The following SLC6A2 variants were observed in gnomAD, a reference collection of about 807,000 sequenced individuals.
SLC6A2 encodes the protein solute carrier family 6 member 2.
Under a neutral mutation model 71.7 loss-of-function variants are expected in SLC6A2, and 26 were observed. The ratio of observed to expected loss-of-function variants is 0.36; its 90% CI spans 0.27 to 0.50. The LOEUF (loss-of-function observed/expected upper bound fraction) is 0.50, where lower values mean the gene tolerates loss of function less well. Ranked by LOEUF, SLC6A2 falls within the 20% of genes least tolerant of loss-of-function variation. The probability of loss-of-function intolerance (pLI) is 0.96; values close to 1 mark genes in which losing one functional copy is unlikely to be tolerated. For missense variants in SLC6A2, 581 were observed against 803.9 expected (o/e 0.72, Z 3.35); for synonymous variants, 363 against 337.9 (o/e 1.07, Z -0.82).
At chr16:55,657,574 G>A (rs1964493787) in intron 2 of SLC6A2, among the ~76,000 whole-genome samples, 1 of 152,182 alleles carries the variant, frequency 6.6e-6, no homozygotes, top group African/African-American at 2.4e-5. Context: ...CCATTCTCAG[G>A]GAGCACAGCC....
Position 55,656,101 on chromosome 16 carries a change from C to T in SLC6A2, c.-120C>T, listed in dbSNP as rs980996564. ...CCAGCCCCAGCCCGCGCCCTAGAGCCTGCCAAGGCGCCGCCGGTCGGGGGC... is the reference window on the plus strand; with the variant it reads ...CCAGCCCCAGCCCGCGCCCTAGAGCTTGCCAAGGCGCCGCCGGTCGGGGGC... On this transcript the variant is annotated 5_prime_UTR_variant, in exon 1 of 15. Transcript: ENST00000568943. This position sits in a 1 kb window ranked among gnomAD's most constrained non-coding sequence, Gnocchi z 4.5. 11 of 154,040 alleles carry T rather than the reference C, an allele frequency of 7.1e-5. No homozygotes were observed. The highest frequency in any genetic ancestry group is 2.4e-4 in the African/African-American group (10 of 41,478). The allele number at this position is 154,040 out of a possible 1,614,324, so 9.5% of individuals were successfully genotyped here. A position where few individuals can be genotyped will look rare whatever the true frequency, so the allele number is the denominator to read the frequency against.
In SLC6A2 at chr16:55,696,225, G is replaced by A; in HGVS notation, c.1148G>A (p.Gly383Glu). 2 of 1,583,664 alleles carry A rather than the reference G, an allele frequency of 1.3e-6. No homozygotes were observed. Among genetic ancestry groups the A allele is most frequent in the Non-Finnish European group, 8.7e-7 (1 of 1,152,308 alleles). Residue 383 changes from glycine to glutamate, a missense_variant and splice_region_variant, in exon 9 of 15, where the codon GGA (glycine) becomes GAA (glutamate). Transcript: ENST00000568943. ...KVNIEDVATEGAGLVFILYPE... is the reference protein window; with the variant it reads ...KVNIEDVATEEAGLVFILYPE... ...ATGAGGTCCTTGATGTTTCTTACAG[G>A]AGCTGGCCTAGTGTTCATCCTGTAT...
chr16:55,683,209 T>C (rs1168316026), intron 4 of SLC6A2, among the ~76,000 whole-genome samples: 4 of 152,224 alleles, frequency 2.6e-5, no homozygotes, highest in African/African-American at 9.7e-5. Context: ...TAGATTCTCA[T>C]TAGCAAACGG....
rs1416088703 is a variant in SLC6A2, at chr16:55,702,760, A to C, written c.*414A>C. ...AGATACCCCTCCCAAAAAAAAAAAAAACTAAAACTAAAGCAAAAATCAAAC... is the reference window on the plus strand; with the variant it reads ...AGATACCCCTCCCAAAAAAAAAAAACACTAAAACTAAAGCAAAAATCAAAC... On this transcript the variant is annotated 3_prime_UTR_variant, in exon 15 of 15. Coordinates refer to ENST00000568943, the MANE Select transcript of SLC6A2 (RefSeq NM_001172501.3). The C allele has an allele frequency of 9.6e-7, 1 of 1,041,556 alleles. No homozygotes were observed. The highest frequency in any genetic ancestry group is 1.2e-6 in the Non-Finnish European group (1 of 866,448). 64.5% of individuals were successfully genotyped at this position (1,041,556 alleles called of 1,614,324 possible). A position where few individuals can be genotyped will look rare whatever the true frequency, so the allele number is the denominator to read the frequency against.
At chr16:55,695,181 G>C in intron 7 of SLC6A2, 97 bp from the exon 8 acceptor site, 1 of 1,474,460 alleles carries the variant, frequency 6.8e-7, no homozygotes. Flanking sequence ...GGCCTTTGAG[G>C]CTGGGGCCAG....
intron 14 of SLC6A2, 48 bp downstream of exon 14, chr16:55,701,982 T>C: frequency 6.9e-7 from 1 of 1,444,742 alleles, no homozygotes; most frequent in Non-Finnish European, 9.8e-7. Context: ...GGGCGGGCCC[T>C]GGCTGTTCCC....
chr16:55,673,048 T>G (rs1405841940), intron 4 of SLC6A2, among the ~76,000 whole-genome samples: 2 of 152,222 alleles, frequency 1.3e-5, no homozygotes, highest in African/African-American at 4.8e-5. Context: ...TCACCAATTT[T>G]CCCACTCATG....
intron 5 of SLC6A2, among the ~76,000 whole-genome samples, chr16:55,690,467 C>T (rs1308606449): frequency 6.6e-6 from 1 of 152,102 alleles, no homozygotes; most frequent in Non-Finnish European, 1.5e-5. Flanking sequence ...TCCACTTTCC[C>T]CTTAGGGATA....
rs1964440553 is a variant in SLC6A2, at chr16:55,656,144, C to T, written c.-77C>T. Reference sequence around the variant, plus strand: ...TCGGGGGCCGGCAGGGCGCAAGGCACCAGGGATCCCCTCGCCGCCGGACAC... The same window carrying T: ...TCGGGGGCCGGCAGGGCGCAAGGCATCAGGGATCCCCTCGCCGCCGGACAC... On this transcript the variant is annotated 5_prime_UTR_variant, in exon 1 of 15. Coordinates refer to ENST00000568943, the MANE Select transcript of SLC6A2 (RefSeq NM_001172501.3). This position sits in a 1 kb window ranked among gnomAD's most constrained non-coding sequence, Gnocchi z 4.5. The T allele has an allele frequency of 1.3e-5, 2 of 157,438 alleles. No homozygotes were observed. Among genetic ancestry groups the T allele is most frequent in the African/African-American group, 4.8e-5 (2 of 41,498 alleles). 9.8% of individuals were successfully genotyped at this position (157,438 alleles called of 1,614,324 possible). A position where few individuals can be genotyped will look rare whatever the true frequency, so the allele number is the denominator to read the frequency against.
rs554098561 is a variant in SLC6A2, at chr16:55,703,007, A to G, written c.*661A>G. The stretch of plus-strand genomic sequence containing the variant: ...GAGTTTGATGTGTGTGTTCTGGAAC[A>G]TTCCTCCAGCTTTTGGTGGTCAGAT... On this transcript the variant is annotated 3_prime_UTR_variant, in exon 15 of 15. Coordinates refer to ENST00000568943, the MANE Select transcript of SLC6A2 (RefSeq NM_001172501.3). 6 of 986,820 alleles carry G rather than the reference A, an allele frequency of 6.1e-6. No individual in the cohort carries two copies. In the East Asian group the frequency reaches 6.8e-4, roughly 112 times the overall value. 61.1% of individuals were successfully genotyped at this position (986,820 alleles called of 1,614,324 possible).
chr16:55,697,418 T>C (rs1216879147), intron 9 of SLC6A2, among the ~76,000 whole-genome samples: 1 of 152,056 alleles, frequency 6.6e-6, no homozygotes, highest in Non-Finnish European at 1.5e-5. Context: ...GAGTCTGGAG[T>C]TTGAAGTGAC....
intron 4 of SLC6A2, among the ~76,000 whole-genome samples, chr16:55,682,170 G>A (rs565528815): frequency 6.6e-6 from 1 of 152,344 alleles, no homozygotes; most frequent in Non-Finnish European, 1.5e-5. Context: ...GCCTCCCAAA[G>A]TGCTGGAATT....
intron 2 of SLC6A2, among the ~76,000 whole-genome samples, chr16:55,663,091 A>G (rs978664157): frequency 6.6e-6 from 1 of 152,204 alleles, no homozygotes; most frequent in South Asian, 2.1e-4. Context: ...CCCACTGTCT[A>G]TAAATCAGGG....
chr16:55,693,273 G>A (rs547129223), intron 6 of SLC6A2, among the ~76,000 whole-genome samples: 56 of 152,200 alleles, frequency 3.7e-4, no homozygotes, highest in Middle Eastern at 3.4e-3. Flanking sequence ...TGTAATCCCA[G>A]CCACTCAGGA....
chr16:55,700,026 A>G (rs1965920358), intron 12 of SLC6A2, 113 bp from the exon 13 acceptor site: 3 of 850,654 alleles, frequency 3.5e-6, no homozygotes, highest in Non-Finnish European at 5.8e-6. Flanking sequence ...CTTTGCTGTG[A>G]TGCTCACTTC....
intron 5 of SLC6A2, 133 bp from the exon 6 acceptor site, chr16:55,691,785 T>C: frequency 1.9e-6 from 2 of 1,027,074 alleles, no homozygotes; most frequent in South Asian, 1.3e-5. Flanking sequence ...CTGGAACTTG[T>C]AGCATGTGCT....
intron 6 of SLC6A2, 117 bp downstream of exon 6, chr16:55,692,169 C>G: frequency 1.6e-6 from 2 of 1,217,466 alleles, no homozygotes; most frequent in Non-Finnish European, 2.4e-6. Flanking sequence ...TAGCCTTGGA[C>G]AGGATCCTTC....
Position 55,703,811 on chromosome 16 carries a change from G to T in SLC6A2, c.*1465G>T, listed in dbSNP as rs2142648718. The T allele has an allele frequency of 2.0e-6, 2 of 985,354 alleles. No individual in the cohort carries two copies. Among genetic ancestry groups the T allele is most frequent in the Admixed American group, 1.2e-4 (2 of 16,276 alleles). 61.0% of individuals were successfully genotyped at this position (985,354 alleles called of 1,614,324 possible). A position where few individuals can be genotyped will look rare whatever the true frequency, so the allele number is the denominator to read the frequency against. ...CAAGAAGGTGCTTTGCCTCAAATTG[G>T]GGTGTTGTTGAGCCTGGTGGTTCCT... On this transcript the variant is annotated 3_prime_UTR_variant, in exon 15 of 15. Transcript: ENST00000568943.
intron 13 of SLC6A2, 146 bp downstream of exon 13, chr16:55,700,452 T>C: frequency 1.5e-6 from 1 of 675,662 alleles, no homozygotes; most frequent in Non-Finnish European, 2.5e-6. Context: ...GCCAGGTTAT[T>C]TTCCCCCATG....
Sources: gnomAD v4.1 joint callset for allele counts (sites outside exome capture counted in the v4.1 genomes callset) on GRCh38, gnomAD v4.1.1 for gene constraint, Gnocchi (gnomAD v3.1) non-coding constraint, MANE v1.5 for transcripts, NCBI Gene and HGNC (gene_info 2026-07-23, HGNC 2026-07-21) for gene names.